CHN2: variants seen among roughly 807,000 people sequenced by gnomAD.
The protein encoded by CHN2 is beta-chimaerin.
A neutral mutation model predicts 56.3 loss-of-function variants in CHN2; 35 were observed. The observed-to-expected ratio is 0.62, with a 90% confidence interval of 0.47 to 0.82. The LOEUF is 0.82. CHN2 is among the 40% of genes least tolerant of loss of function. CHN2 has a pLI of 0.00. For missense variants in CHN2, 491 were observed against 580.5 expected (o/e 0.85, Z 1.58); for synonymous variants, 210 against 212.8 (o/e 0.99, Z 0.12).
At chr7:29,315,213 T>C (rs758765839) in intron 1 of CHN2, among the ~76,000 whole-genome samples, 1 of 152,254 alleles carries the variant, frequency 6.6e-6, no homozygotes, top group East Asian at 1.9e-4. Context: ...CTTCTCATTA[T>C]GAAATGCATT....
intron 1 of CHN2, among the ~76,000 whole-genome samples, chr7:29,258,540 C>T (rs1789260202): frequency 6.6e-6 from 1 of 152,178 alleles, no homozygotes; most frequent in Non-Finnish European, 1.5e-5. Context: ...AAGTCTGTTG[C>T]ATCTCCCAGA....
At chr7:29,176,675 TTTTG>T (rs1797391516) in intron 2 of CHN2, among the ~76,000 whole-genome samples, 1 of 152,158 alleles carries the variant, frequency 6.6e-6, no homozygotes, top group Admixed American at 6.5e-5. Context: ...CAAGAAAGAA[TTTTG>T]AGCCAAGAAA....
intron 1 of CHN2, among the ~76,000 whole-genome samples, chr7:29,204,065 C>CTG (rs755525736): frequency 0.022 from 2,993 of 135,704 alleles, 38 homozygotes; most frequent in African/African-American, 0.028. Context: ...TTTTCTCTCT[C>CTG]TCTGTGTGTG....
At chr7:29,408,275 C>T (rs564303173) in intron 6 of CHN2, among the ~76,000 whole-genome samples, 13 of 152,166 alleles carry the variant, frequency 8.5e-5, no homozygotes, top group Non-Finnish European at 1.2e-4. Flanking sequence ...AAAGTCTTCA[C>T]TGGTGAAAGG....
chr7:29,262,219 G>GT (rs1166153741), intron 1 of CHN2, among the ~76,000 whole-genome samples: 3 of 152,106 alleles, frequency 2.0e-5, no homozygotes, highest in Non-Finnish European at 4.4e-5. Context: ...TGCACAGAAG[G>GT]TCTCTTCTGT....
At chr7:29,217,723 A>G (rs947410673) in intron 1 of CHN2, among the ~76,000 whole-genome samples, 1 of 152,134 alleles carries the variant, frequency 6.6e-6, no homozygotes, top group Non-Finnish European at 1.5e-5. Context: ...AATAAAAGTG[A>G]TTTCCTTTAG....
At chr7:29,240,000 C>A (rs972018214) in intron 1 of CHN2, among the ~76,000 whole-genome samples, 1 of 152,022 alleles carries the variant, frequency 6.6e-6, no homozygotes, top group Non-Finnish European at 1.5e-5. Context: ...TTTTCAAGAC[C>A]CTGTGAGCCA....
chr7:29,337,597 GATGCTGT>G (rs1796721782), intron 1 of CHN2, among the ~76,000 whole-genome samples: 1 of 152,180 alleles, frequency 6.6e-6, no homozygotes, highest in Non-Finnish European at 1.5e-5. Flanking sequence ...TAGACCTACT[GATGCTGT>G]CACCCAGGCT....
chr7:29,403,345 G>C (rs572289661), intron 6 of CHN2, among the ~76,000 whole-genome samples: 6 of 151,924 alleles, frequency 3.9e-5, no homozygotes, highest in Admixed American at 2.6e-4. Context: ...GTACCTGTTT[G>C]CTTTGCTAAG....
chr7:29,162,478 A>G (rs1795314247), intron 2 of CHN2, among the ~76,000 whole-genome samples: 2 of 152,114 alleles, frequency 1.3e-5, no homozygotes, highest in African/African-American at 4.8e-5. Flanking sequence ...TCTGACCAAC[A>G]TGGAGAAGCC....
chr7:29,264,163 C>T (rs542495209), intron 1 of CHN2, among the ~76,000 whole-genome samples: 206 of 134,128 alleles, frequency 1.5e-3, no homozygotes, highest in African/African-American at 5.4e-3. Flanking sequence ...AGGTGGGGGG[C>T]CCCCTCTGCC....
chr7:29,319,508 C>G (rs970121610), intron 1 of CHN2, among the ~76,000 whole-genome samples: 8 of 152,062 alleles, frequency 5.3e-5, no homozygotes, highest in Non-Finnish European at 2.9e-5. Context: ...TGGTGCTTTC[C>G]CAGATGTCCT....
At chr7:29,432,950 C>T (rs944060666) in intron 6 of CHN2, among the ~76,000 whole-genome samples, 6 of 152,152 alleles carry the variant, frequency 3.9e-5, no homozygotes, top group East Asian at 1.9e-4. Context: ...CTTCTGTTGG[C>T]GACAGCTCTG....
At chr7:29,436,446 C>T (rs1585386608) in intron 6 of CHN2, among the ~76,000 whole-genome samples, 1 of 152,104 alleles carries the variant, frequency 6.6e-6, no homozygotes, top group South Asian at 2.1e-4. Context: ...GGGAAAAAAG[C>T]TGCCAACTTA....
At chr7:29,512,496 C>A (rs1791597026) in intron 12 of CHN2, 68 bp from the exon 13 acceptor site, 2 of 1,384,890 alleles carry the variant, frequency 1.4e-6, no homozygotes, top group Non-Finnish European at 9.9e-7. Flanking sequence ...GACTTACATA[C>A]ATAATCAATA....
intron 6 of CHN2, among the ~76,000 whole-genome samples, chr7:29,415,854 G>T (rs1168897036): frequency 6.6e-6 from 1 of 152,196 alleles, no homozygotes; most frequent in Non-Finnish European, 1.5e-5. Flanking sequence ...CCCAGTTGCT[G>T]TAGGCAAAAT....
At chr7:29,391,740 G>A (rs1203342425) in intron 3 of CHN2, among the ~76,000 whole-genome samples, 1 of 152,154 alleles carries the variant, frequency 6.6e-6, no homozygotes, top group Non-Finnish European at 1.5e-5. Flanking sequence ...ACACCCCTGA[G>A]CGCCTCATAC....
chr7:29,251,509 T>A (rs1042929316), intron 1 of CHN2, among the ~76,000 whole-genome samples: 7 of 152,190 alleles, frequency 4.6e-5, no homozygotes, highest in African/African-American at 1.7e-4. Flanking sequence ...TGCCTTCTAA[T>A]AAGATTACTT....
intron 6 of CHN2, among the ~76,000 whole-genome samples, chr7:29,460,598 G>A (rs1468490870): frequency 1.3e-5 from 2 of 152,250 alleles, no homozygotes; most frequent in Non-Finnish European, 2.9e-5. Context: ...AGGTCATGAG[G>A]CAAGTGTTGG....
Sources: allele counts gnomAD v4.1 joint callset (sites outside exome capture counted in the v4.1 genomes callset), GRCh38; gene constraint gnomAD v4.1.1; transcripts MANE v1.5; gene names NCBI Gene and HGNC (gene_info 2026-07-23, HGNC 2026-07-21).